The following ZBP1 variants were observed in gnomAD, a reference collection of about 807,000 sequenced individuals.
ZBP1 encodes Z-DNA binding protein 1, also known as Z-DNA-binding protein 1.
In ZBP1, 42 loss-of-function variants were observed where a neutral mutation model predicts 41.1. That is an observed-to-expected ratio of 1.02 (90% CI 0.80 to 1.32). ZBP1 has a LOEUF of 1.32. ZBP1 is among the 40% of genes most tolerant of loss of function. The probability of loss-of-function intolerance (pLI) is 0.00; values close to 1 mark genes in which losing one functional copy is unlikely to be tolerated. For missense variants in ZBP1, 562 were observed against 549.7 expected, an observed-to-expected ratio of 1.02 and a Z score of -0.22; for synonymous variants, 214 against 205.2, an observed-to-expected ratio of 1.04 and a Z score of -0.37.
At chr20:57,607,370 T>C (rs2070523703) in intron 7 of ZBP1, 3 of 1,227,100 alleles carry the variant, frequency 2.4e-6, no homozygotes, top group Non-Finnish European at 3.1e-6. Context: ...ACTGAATTGC[T>C]GCAATCTCAT....
intron 2 of ZBP1, 27 bp downstream of exon 2, chr20:57,616,217 G>C: frequency 6.2e-7 from 1 of 1,607,920 alleles, no homozygotes. Context: ...TGCAGGGTCA[G>C]ACCCGCCTCC....
chr20:57,612,794 C>T (rs984723605), intron 5 of ZBP1: 2 of 629,104 alleles, frequency 3.2e-6, no homozygotes, highest in Non-Finnish European at 2.2e-6. Flanking sequence ...TGTAGCATTC[C>T]GCGGAGGGAA....
chr20:57,604,883 T>A, intron 7 of ZBP1, 114 bp from the exon 8 acceptor site: 1 of 1,031,210 alleles, frequency 9.7e-7, no homozygotes, highest in South Asian at 1.6e-5. Context: ...TGTTACTGTC[T>A]TTAGATTTGT....
At chr20:57,606,262 C>T (rs188067691) in intron 7 of ZBP1, among the ~76,000 whole-genome samples, 25 of 152,364 alleles carry the variant, frequency 1.6e-4, no homozygotes, top group African/African-American at 6.0e-4. Flanking sequence ...TCTCTTAAAC[C>T]TAAGCCTCGT....
Position 57,608,127 on chromosome 20 carries a change from AT to A in ZBP1, c.1093+2021del, listed in dbSNP as rs35089801. Among the ~76,000 whole-genome samples the A allele has an allele frequency of 9.6e-3, 1,403 of 146,410 alleles. 14 individuals carry two copies. Among genetic ancestry groups the A allele is most frequent in the African/African-American group, 0.033 (1,310 of 39,858 alleles). ...GCAGGGCAAATCTGGGAGTGTGACCATTTTTTTTTTTTGAGACAGAGTCTTG... is the reference window on the plus strand; with the variant it reads ...GCAGGGCAAATCTGGGAGTGTGACCATTTTTTTTTTTGAGACAGAGTCTTG... On this transcript the variant is annotated intron_variant, in intron 7 of 7. Coordinates refer to ENST00000371173, the MANE Select transcript of ZBP1 (RefSeq NM_030776.3).
In ZBP1 at chr20:57,604,535, C is replaced by T. The variant is rs140968310; in HGVS notation, c.*38G>A. 9.3e-6 allele frequency: 15 copies of T among 1,605,328 alleles called. No homozygotes were observed. The highest frequency in any genetic ancestry group is 1.3e-5 in the Non-Finnish European group (15 of 1,174,418). ...GGCTAGTCTCCCTAGCATGCGCCCA[C>T]CCCCAGCCTGTGTCCAAGCCCCACG... On this transcript the variant is annotated 3_prime_UTR_variant, in exon 8 of 8. Transcript: ENST00000371173.
rs915649659 is a variant in ZBP1, at chr20:57,604,569, T to C, written c.*4A>G. Reference sequence around the variant, plus strand: ...TGTGTCCAAGCCCCACGTGAGGCTGTGCACTAAATCCCACCTCCCCACCAG... The same window carrying C: ...TGTGTCCAAGCCCCACGTGAGGCTGCGCACTAAATCCCACCTCCCCACCAG... On this transcript the variant is annotated 3_prime_UTR_variant, in exon 8 of 8. Coordinates refer to ENST00000371173, the MANE Select transcript of ZBP1 (RefSeq NM_030776.3). 3.1e-6 allele frequency: 5 copies of C among 1,612,340 alleles called. No individual in the cohort carries two copies. In the African/African-American group the frequency reaches 6.7e-5, roughly 22 times the overall value.
chr20:57,615,178 A>C, intron 3 of ZBP1, 118 bp from the exon 4 acceptor site: 1 of 1,130,032 alleles, frequency 8.8e-7, no homozygotes, highest in Non-Finnish European at 1.3e-6. Context: ...CCTCATCTGT[A>C]AAATGGGTGT....
At position 57,615,530 on chromosome 20, in the gene ZBP1, G is replaced by C. The variant is rs1454983833; in HGVS notation, c.310C>G (p.Gln104Glu). The change falls in exon 3 of 8, where the codon CAG becomes GAG. Residue 104 changes from glutamine (Q) to glutamate (E), a missense_variant. Coordinates refer to ENST00000371173, the MANE Select transcript of ZBP1 (RefSeq NM_030776.3). ...AATIPETPGP[Q>E]FSQQREEDIY... ...AACTTACCCCGTTGTTGGCTGAACT[G>C]AGGGCCAGGGGTCTCTGGAATTGTA... is the stretch of plus-strand genomic sequence containing the variant. 2 of 1,612,924 alleles carry C rather than the reference G, an allele frequency of 1.2e-6. No homozygotes were observed. The highest frequency in any genetic ancestry group is 2.7e-5 in the African/African-American group (2 of 74,814).
chr20:57,605,956 T>G (rs544015193), intron 7 of ZBP1, among the ~76,000 whole-genome samples: 1 of 151,902 alleles, frequency 6.6e-6, no homozygotes, highest in African/African-American at 2.4e-5. Flanking sequence ...AATAAATAAA[T>G]AAATAACCCC....
rs202084355 is a variant in ZBP1, at chr20:57,613,371, A to G, written c.503-41T>C. The G allele has an allele frequency of 1.1e-4, 172 of 1,594,586 alleles. No homozygotes were observed. The African/African-American group carries it at 1.5e-3, about 13-fold the overall frequency. On this transcript the variant is annotated intron_variant, in intron 4 of 7. Coordinates refer to ENST00000371173, the MANE Select transcript of ZBP1 (RefSeq NM_030776.3). The surrounding 1 kb of genome is among the most constrained non-coding windows in gnomAD (Gnocchi z 4.5). ...CAACTGTATCCCTTTGCCACTGTCTATGGGTCAGGGGTTCCCAATACCAGT... is the reference window on the plus strand; with the variant it reads ...CAACTGTATCCCTTTGCCACTGTCTGTGGGTCAGGGGTTCCCAATACCAGT...
intron 7 of ZBP1, chr20:57,607,019 C>T: frequency 5.5e-6 from 7 of 1,275,008 alleles, no homozygotes; most frequent in Non-Finnish European, 7.2e-6. Flanking sequence ...AGCATCCATT[C>T]TGCAGCCCAT....
intron 7 of ZBP1, among the ~76,000 whole-genome samples, chr20:57,608,593 T>C (rs2070556567): frequency 6.6e-6 from 1 of 152,124 alleles, no homozygotes; most frequent in Non-Finnish European, 1.5e-5. Context: ...GCCTTGGAGG[T>C]CTCAGAGACT....
At chr20:57,619,671 T>A (rs1012897337) in intron 1 of ZBP1, among the ~76,000 whole-genome samples, 1 of 152,102 alleles carries the variant, frequency 6.6e-6, no homozygotes, top group African/African-American at 2.4e-5. Flanking sequence ...CCAGCTGTGT[T>A]ACCCTGAGAG....
At chr20:57,605,790 CA>C (rs1330047145) in intron 7 of ZBP1, among the ~76,000 whole-genome samples, 2 of 152,080 alleles carry the variant, frequency 1.3e-5, no homozygotes, top group Non-Finnish European at 2.9e-5. Context: ...CAAAGTTAGC[CA>C]GGCGTGGTGG....
intron 1 of ZBP1, among the ~76,000 whole-genome samples, chr20:57,619,476 C>G (rs1314571873): frequency 6.6e-6 from 1 of 152,228 alleles, no homozygotes; most frequent in Non-Finnish European, 1.5e-5. Flanking sequence ...CCCTAGAGAA[C>G]AGCAATTACT....
chr20:57,613,140 C>T lies in ZBP1; in HGVS notation c.670+23G>A. The T allele has an allele frequency of 6.2e-7, 1 of 1,614,114 alleles. No homozygotes were observed. Among genetic ancestry groups the T allele is most frequent in the South Asian group, 1.1e-5 (1 of 91,074 alleles). On this transcript the variant is annotated intron_variant, in intron 5 of 7. Coordinates refer to ENST00000371173, the MANE Select transcript of ZBP1 (RefSeq NM_030776.3). This position sits in a 1 kb window ranked among gnomAD's most constrained non-coding sequence, Gnocchi z 4.5. ...GTGGCTCCCCACCGAGGTCCCCTCC[C>T]TGGGCTCTCTTGGGTGACTTACCGT...
intron 1 of ZBP1, among the ~76,000 whole-genome samples, chr20:57,619,149 C>T (rs1424380991): frequency 6.6e-6 from 1 of 152,236 alleles, no homozygotes; most frequent in Non-Finnish European, 1.5e-5. Context: ...CGTCAGCACC[C>T]GTGAGTCCCC....
In ZBP1 at chr20:57,610,314, G is replaced by A; in HGVS notation, c.928C>T (p.Pro310Ser). 6.2e-7 allele frequency: 1 copy of A among 1,614,144 alleles called. No individual in the cohort carries two copies. The highest frequency in any genetic ancestry group is 1.3e-5 in the African/African-American group (1 of 75,030). The change falls in exon 7 of 8, where the codon CCA becomes TCA. Residue 310 changes from proline to serine, a missense_variant. Pro to Ser is a moderately conservative substitution (Grantham distance 74). Transcript: ENST00000371173. This position sits in a 1 kb window ranked among gnomAD's most constrained non-coding sequence, Gnocchi z 5.5. The stretch of plus-strand genomic sequence containing the variant: ...GCTTCCCCCTCAGGGTGAGTTCCTG[G>A]ACTGGGAATTCTTGCTTCAAACGAA... The part of the protein sequence containing the change: ...EASFEARIPS[P>S]GTHPEGEAAQ...
Sources: allele counts gnomAD v4.1 joint callset (sites outside exome capture counted in the v4.1 genomes callset), GRCh38; gene constraint gnomAD v4.1.1; non-coding constraint Gnocchi (gnomAD v3.1); transcripts MANE v1.5; gene names NCBI Gene and HGNC (gene_info 2026-07-23, HGNC 2026-07-21).